Variants in SLC24A2 observed in about 807,000 individuals in gnomAD.
The protein encoded by SLC24A2 is sodium/potassium/calcium exchanger 2.
SLC24A2 carries 36 observed loss-of-function variants against 62.0 expected under a neutral mutation model. The ratio of observed to expected loss-of-function variants is 0.58; its 90% CI spans 0.44 to 0.77. The LOEUF is 0.77. Ranked by LOEUF, SLC24A2 falls within the 30% of genes least tolerant of loss-of-function variation. The pLI, the probability that SLC24A2 is intolerant of heterozygous loss-of-function variation, is 0.00. For synonymous variants in SLC24A2, 358 were observed against 294.0 expected, an observed-to-expected ratio of 1.22 and a Z score of -2.23; for missense variants, 846 against 817.9, an observed-to-expected ratio of 1.03 and a Z score of -0.42.
At chr9:20,139,470 G>T in the SLC24A2 span, among the ~76,000 whole-genome samples, 3 of 152,188 alleles carry the variant, frequency 2.0e-5, no homozygotes, top group Non-Finnish European at 4.4e-5. Flanking sequence ...GCTTTACCGG[G>T]CTCTCTCCCC....
chr9:20,066,690 C>T, the SLC24A2 span, among the ~76,000 whole-genome samples: 1 of 152,098 alleles, frequency 6.6e-6, no homozygotes, highest in African/African-American at 2.4e-5. Flanking sequence ...GGAAGTTGCC[C>T]AGCTTAAAAA....
the SLC24A2 span, among the ~76,000 whole-genome samples, chr9:20,300,864 T>A: frequency 6.6e-6 from 1 of 152,232 alleles, no homozygotes; most frequent in Non-Finnish European, 1.5e-5. Flanking sequence ...AGTGCTGGAA[T>A]GTGCTTTCTA....
intron 2 of SLC24A2, among the ~76,000 whole-genome samples, chr9:19,777,378 A>G (rs904642612): frequency 4.6e-5 from 7 of 152,232 alleles, no homozygotes; most frequent in Non-Finnish European, 8.8e-5. Flanking sequence ...AGTATGTAGC[A>G]ATGTGGCAGA....
At chr9:19,639,972 A>T (rs1314434673) in intron 2 of SLC24A2, among the ~76,000 whole-genome samples, 1 of 152,252 alleles carries the variant, frequency 6.6e-6, no homozygotes, top group African/African-American at 2.4e-5. Context: ...CCCTCTTAAA[A>T]ATATGTTTGT....
chr9:19,706,412 C>T (rs950819006), intron 2 of SLC24A2, among the ~76,000 whole-genome samples: 1 of 146,022 alleles, frequency 6.8e-6, no homozygotes, highest in East Asian at 2.0e-4. Context: ...CGGAGTTTCG[C>T]TCTGTCGCCC....
At chr9:19,810,687 T>A in the SLC24A2 span, among the ~76,000 whole-genome samples, 1 of 152,146 alleles carries the variant, frequency 6.6e-6, no homozygotes, top group African/African-American at 2.4e-5. Context: ...CATAATAAAA[T>A]CCATAGCTCT....
At chr9:19,762,757 T>C (rs9802201) in intron 2 of SLC24A2, among the ~76,000 whole-genome samples, 38,374 of 149,966 alleles carry the variant, frequency 0.26, 5,165 homozygotes, top group South Asian at 0.3. Flanking sequence ...CCTCCAGCTT[T>C]GTTCTTTTTG....
At chr9:19,671,319 G>A (rs1257598186) in intron 2 of SLC24A2, among the ~76,000 whole-genome samples, 1 of 151,882 alleles carries the variant, frequency 6.6e-6, no homozygotes, top group Non-Finnish European at 1.5e-5. Context: ...TGCAGCTATT[G>A]CAAAAGGGGT....
At chr9:19,991,037 CATACAT>C in the SLC24A2 span, among the ~76,000 whole-genome samples, 112 of 12,746 alleles carry the variant, frequency 8.8e-3, no homozygotes, top group African/African-American at 0.043. Context: ...TATATACACA[CATACAT>C]ACATACATAC....
At chr9:20,123,532 C>G in the SLC24A2 span, among the ~76,000 whole-genome samples, 1 of 152,122 alleles carries the variant, frequency 6.6e-6, no homozygotes, top group Non-Finnish European at 1.5e-5. Context: ...GATCTAGCTT[C>G]AAATCTTATA....
chr9:20,215,821 C>T, the SLC24A2 span, among the ~76,000 whole-genome samples: 1 of 151,640 alleles, frequency 6.6e-6, no homozygotes, highest in Non-Finnish European at 1.5e-5. Flanking sequence ...TGGCTCCAGC[C>T]ACTATGTTTG....
the SLC24A2 span, among the ~76,000 whole-genome samples, chr9:20,113,471 T>C: frequency 1.6e-4 from 24 of 152,222 alleles, no homozygotes; most frequent in African/African-American, 5.3e-4. Flanking sequence ...GATTATTATG[T>C]TCATTAAAAG....
chr9:20,098,017 C>A, the SLC24A2 span, among the ~76,000 whole-genome samples: 9 of 148,270 alleles, frequency 6.1e-5, no homozygotes, highest in Admixed American at 4.0e-4. Context: ...GCTGGGATTA[C>A]AGGCGGAGCC....
chr9:20,078,831 T>G, the SLC24A2 span, among the ~76,000 whole-genome samples: 2 of 152,118 alleles, frequency 1.3e-5, no homozygotes, highest in Non-Finnish European at 2.9e-5. Flanking sequence ...AATCAATACT[T>G]AGGAAGAAAA....
intron 2 of SLC24A2, among the ~76,000 whole-genome samples, chr9:19,743,385 C>G (rs1821737638): frequency 6.6e-6 from 1 of 152,072 alleles, no homozygotes; most frequent in Admixed American, 6.6e-5. Context: ...CAGCTAGCAC[C>G]AATTTTCTGC....
rs569513476 is a variant in SLC24A2 at position 19,653,001 on chromosome 9, G to C, written c.931-30702C>G. On this transcript the variant is annotated intron_variant, in intron 2 of 10. Coordinates refer to ENST00000341998, the MANE Select transcript of SLC24A2 (RefSeq NM_020344.4). ...CAAGGAAAAGGCAACCCTTCCCATA[G>C]GGCATCTTACTTGGCTTTGGTTTAC... Among the ~76,000 whole-genome samples, 5 of 152,148 alleles carry C rather than the reference G, an allele frequency of 3.3e-5. No homozygotes were observed. The South Asian group carries it at 8.3e-4, about 25-fold the overall frequency.
the SLC24A2 span, among the ~76,000 whole-genome samples, chr9:19,953,200 T>C: frequency 6.6e-6 from 1 of 152,042 alleles, no homozygotes; most frequent in Non-Finnish European, 1.5e-5. Context: ...ATTTCATTGA[T>C]TTTTCCCAAA....
chr9:20,274,916 C>T, the SLC24A2 span, among the ~76,000 whole-genome samples: 32 of 152,220 alleles, frequency 2.1e-4, no homozygotes, highest in Non-Finnish European at 3.5e-4. Context: ...ACTGTCTAGC[C>T]GGAAGAGGTG....
At chr9:20,178,104 T>A in the SLC24A2 span, among the ~76,000 whole-genome samples, 2 of 152,190 alleles carry the variant, frequency 1.3e-5, no homozygotes, top group Admixed American at 6.5e-5. Context: ...TCCTTTAATA[T>A]AAGTGTAAAT....
Sources: gnomAD v4.1 joint callset for allele counts (sites outside exome capture counted in the v4.1 genomes callset) on GRCh38, gnomAD v4.1.1 for gene constraint, MANE v1.5 for transcripts, NCBI Gene and HGNC (gene_info 2026-07-23, HGNC 2026-07-21) for gene names.